Variants in THOC1 observed in about 807,000 individuals in gnomAD.
THOC1 encodes the protein THO complex subunit 1.
In THOC1, 29 loss-of-function variants were observed where a neutral mutation model predicts 97.3. That is an observed-to-expected ratio of 0.30 (90% CI 0.22 to 0.41). THOC1 has a LOEUF of 0.41. Among genes scored for constraint, THOC1 ranks in the 10% least tolerant of loss-of-function variants. The pLI is 1.00. For synonymous variants in THOC1, 255 were observed against 257.0 expected (o/e 0.99, Z 0.07); for missense variants, 529 against 761.9 (o/e 0.69, Z 3.60).
At chr18:241,446 C>A (rs1005678108) in intron 11 of THOC1, among the ~76,000 whole-genome samples, 1 of 152,122 alleles carries the variant, frequency 6.6e-6, no homozygotes, top group African/African-American at 2.4e-5. Flanking sequence ...AGAGACCAAG[C>A]AAAATTGTGA....
At chr18:221,820 C>A (rs182636081) in intron 17 of THOC1, among the ~76,000 whole-genome samples, 83 of 152,028 alleles carry the variant, frequency 5.5e-4, no homozygotes, top group Non-Finnish European at 9.4e-4. Context: ...GTGTTAGCCA[C>A]GATGGTCTCT....
At chr18:267,791 G>A (rs1366575303) in intron 1 of THOC1, among the ~76,000 whole-genome samples, 175 bp downstream of exon 1, 2 of 152,238 alleles carry the variant, frequency 1.3e-5, no homozygotes, top group East Asian at 3.9e-4. Context: ...CCACAAAGAA[G>A]AGGCGGGTAG....
At position 265,502 on chromosome 18, in the gene THOC1, T is replaced by C. The variant is rs369266525; in HGVS notation, c.83A>G (p.Lys28Arg). ...GGTACTTAACAATGGCTTGATGTTT[T>C]TGTTGTTCAAGGCCTCTCTGGTAGA... ...TKSTREALNN[K>R]NIKPLLSTFS... The change falls in exon 2 of 21, where the codon AAA becomes AGA. Residue 28 changes from lysine to arginine, a missense_variant. Lys to Arg is a conservative substitution (Grantham distance 26). Transcript: ENST00000261600. 6.3e-6 allele frequency: 10 copies of C among 1,595,222 alleles called. No individual in the cohort carries two copies. The African/African-American group carries it at 1.2e-4, about 19-fold the overall frequency.
At chr18:215,632 G>A (rs761629618) in intron 19 of THOC1, 128 bp from the exon 20 acceptor site, 40 of 675,364 alleles carry the variant, frequency 5.9e-5, no homozygotes, top group Non-Finnish European at 9.3e-5. Context: ...CCCTGAGAGC[G>A]TTAAATGACA....
intron 17 of THOC1, among the ~76,000 whole-genome samples, chr18:219,640 C>T (rs950572782): frequency 5.3e-5 from 8 of 152,048 alleles, no homozygotes; most frequent in Non-Finnish European, 1.2e-4. Flanking sequence ...AGGGGATAGT[C>T]TAATACTAAA....
chr18:227,680 G>A (rs374739360), intron 11 of THOC1, among the ~76,000 whole-genome samples: 6 of 152,246 alleles, frequency 3.9e-5, no homozygotes, highest in African/African-American at 1.4e-4. Context: ...CTGATTATGT[G>A]CATGGAACAC....
At position 225,145 on chromosome 18, in the gene THOC1, A is replaced by G; in HGVS notation, c.1087-6T>C. The G allele has an allele frequency of 1.3e-6, 2 of 1,567,624 alleles. No homozygotes were observed. Among genetic ancestry groups the G allele is most frequent in the Non-Finnish European group, 1.7e-6 (2 of 1,155,730 alleles). On this transcript the variant is annotated splice_region_variant and splice_polypyrimidine_tract_variant and intron_variant, in intron 13 of 20. Coordinates refer to ENST00000261600, the MANE Select transcript of THOC1 (RefSeq NM_005131.3). ...GGGGGGTTTTCAGATAGTAGCTGTG[A>G]TTAGAAAGAATATACTAAGCTTTCA...
intron 11 of THOC1, among the ~76,000 whole-genome samples, chr18:239,826 G>A (rs1296388228): frequency 6.6e-6 from 1 of 152,136 alleles, no homozygotes; most frequent in Non-Finnish European, 1.5e-5. Context: ...ATATAATAGA[G>A]GAGGGAGCCC....
chr18:252,508 A>C, intron 9 of THOC1, 31 bp downstream of exon 9: 1 of 1,544,070 alleles, frequency 6.5e-7, no homozygotes, highest in Non-Finnish European at 9.0e-7. Context: ...TTATCTCTGT[A>C]AATCAAAAAG....
intron 4 of THOC1, chr18:261,191 C>T (rs1046781445): frequency 1.3e-5 from 2 of 152,094 alleles, no homozygotes; most frequent in African/African-American, 4.8e-5. Flanking sequence ...AAAAGGTCTA[C>T]GTAGTCTATC....
rs754028009 is a variant in THOC1 at position 229,986 on chromosome 18, C to T, written c.919-3085G>A. ...AATTACCATTTATAAACTGGTAACT[C>T]CTACAACTATACTCTCAACCTAGAT... On this transcript the variant is annotated intron_variant, in intron 11 of 20. Transcript: ENST00000261600. 3.8e-4 allele frequency among the ~76,000 whole-genome samples: 58 copies of T among 152,302 alleles called. 1 individual carries two copies. Among genetic ancestry groups the T allele is most frequent in the Non-Finnish European group, 1.6e-4 (11 of 68,032 alleles).
chr18:261,925 C>G (rs1011522360), intron 4 of THOC1, among the ~76,000 whole-genome samples: 2 of 152,168 alleles, frequency 1.3e-5, no homozygotes, highest in Non-Finnish European at 2.9e-5. Flanking sequence ...GTGATTCCCC[C>G]AAGAGCTTTC....
intron 19 of THOC1, 56 bp downstream of exon 19, chr18:216,430 C>T: frequency 6.4e-7 from 1 of 1,563,616 alleles, no homozygotes; most frequent in Non-Finnish European, 8.7e-7. Flanking sequence ...ATAGTGACAG[C>T]AATTTTAAAG....
intron 1 of THOC1, 56 bp downstream of exon 1, chr18:267,909 AG>A: frequency 1.3e-6 from 2 of 1,519,412 alleles, no homozygotes; most frequent in Non-Finnish European, 1.8e-6. Context: ...AATTTCAGGG[AG>A]AAGAGGACAA....
intron 11 of THOC1, among the ~76,000 whole-genome samples, chr18:239,356 G>A (rs1911817190): frequency 6.6e-6 from 1 of 152,072 alleles, no homozygotes; most frequent in African/African-American, 2.4e-5. Context: ...CCAGGATGGA[G>A]TGCAGTGGTG....
At chr18:223,653 TTAAAA>T (rs1911169508) in intron 16 of THOC1, 148 bp from the exon 17 acceptor site, 2 of 602,332 alleles carry the variant, frequency 3.3e-6, no homozygotes. Flanking sequence ...TTTTTGGTAT[TTAAAA>T]TACCTAAAAT....
chr18:231,297 C>T (rs1411440492), intron 11 of THOC1, among the ~76,000 whole-genome samples: 2 of 152,044 alleles, frequency 1.3e-5, no homozygotes, highest in Admixed American at 6.6e-5. Flanking sequence ...TCAGTTTTCC[C>T]GATATTCTAA....
chr18:265,831 G>T (rs1912750027), intron 1 of THOC1, among the ~76,000 whole-genome samples: 2 of 151,734 alleles, frequency 1.3e-5, no homozygotes, highest in African/African-American at 4.8e-5. Context: ...TCTCCATATG[G>T]CTCCTTATTT....
chr18:234,032 T>C (rs1162448457), intron 11 of THOC1, among the ~76,000 whole-genome samples: 1 of 152,220 alleles, frequency 6.6e-6, no homozygotes, highest in African/African-American at 2.4e-5. Flanking sequence ...TTTGTAATGT[T>C]TCTCTATGAA....
Sources: gnomAD v4.1 joint callset for allele counts (sites outside exome capture counted in the v4.1 genomes callset) on GRCh38, gnomAD v4.1.1 for gene constraint, MANE v1.5 for transcripts, NCBI Gene and HGNC (gene_info 2026-07-23, HGNC 2026-07-21) for gene names.